The following ATR variants were observed in gnomAD, a reference collection of about 807,000 sequenced individuals.
The protein encoded by ATR is serine/threonine-protein kinase ATR.
Under a neutral mutation model 305.3 loss-of-function variants are expected in ATR, and 142 were observed. That is an observed-to-expected ratio of 0.47 (90% CI 0.41 to 0.53). The LOEUF (loss-of-function observed/expected upper bound fraction) is 0.53. Among genes scored for constraint, ATR ranks in the 20% least tolerant of loss-of-function variants. ATR has a pLI of 0.00. For missense variants in ATR, 2,135 were observed against 3,133.1 expected (o/e 0.68, Z 7.60); for synonymous variants, 1,050 against 1,068.1 (o/e 0.98, Z 0.33).
chr3:142,465,321 T>TAAA (rs78538255), intron 40 of ATR, 81 bp from the exon 41 acceptor site: 11 of 840,644 alleles, frequency 1.3e-5, no homozygotes, highest in African/African-American at 7.4e-5. Context: ...TTGAGTTATG[T>TAAA]AAAAAAAAAA....
At chr3:142,496,947 C>A in intron 33 of ATR, 66 bp downstream of exon 33, 1 of 1,513,722 alleles carries the variant, frequency 6.6e-7, no homozygotes, top group Non-Finnish European at 9.1e-7. Flanking sequence ...TACAAACACC[C>A]CCAAATAATA....
rs2071170618 is a variant in ATR at position 142,468,026 on chromosome 3, T to C, written c.6595A>G (p.Asn2199Asp). Residue 2199 changes from asparagine to aspartate, a missense_variant, in exon 39 of 47, where the codon AAT becomes GAT. Asn to Asp is a conservative substitution (Grantham distance 23, BLOSUM62 1). This residue lies in a region of ATR where 462 missense variants were observed against 887.6 expected (regional missense o/e 0.52). Transcript: ENST00000350721. Reference sequence around the variant, plus strand: ...GATTTTTTCATATGAATAGCTTTATTGAGGATTTCCTTGCATCTGTTCACA... The same window carrying C: ...GATTTTTTCATATGAATAGCTTTATCGAGGATTTCCTTGCATCTGTTCACA... ...MRVNRCKEIL[N>D]KAIHMKKSLE... 3 of 1,613,040 alleles carry C rather than the reference T, an allele frequency of 1.9e-6. No individual in the cohort carries two copies. Among genetic ancestry groups the C allele is most frequent in the Non-Finnish European group, 2.5e-6 (3 of 1,179,474 alleles).
In ATR at chr3:142,513,647, G is replaced by T. The variant is rs753492160; in HGVS notation, c.4504-9C>A. 5 of 1,612,976 alleles carry T rather than the reference G, an allele frequency of 3.1e-6. No homozygotes were observed. In the East Asian group the frequency reaches 1.1e-4, roughly 36 times the overall value. On this transcript the variant is annotated splice_polypyrimidine_tract_variant and intron_variant, in intron 25 of 46. Transcript: ENST00000350721. ...GCAAGATCATGTCGAACCTGTAAAT[G>T]CAAAATGTGTAGACAGTAACACACT...
At chr3:142,523,842 T>C in intron 22 of ATR, 151 bp downstream of exon 22, 3 of 841,996 alleles carry the variant, frequency 3.6e-6, no homozygotes, top group Middle Eastern at 3.0e-4. Context: ...GTTTCTGCAA[T>C]AGTAAAAGAA....
In ATR at chr3:142,557,913, G is replaced by A. The variant is rs1384596098; in HGVS notation, c.1885+711C>T. Among the ~76,000 whole-genome samples the A allele has an allele frequency of 6.6e-5, 10 of 152,166 alleles. No individual in the cohort carries two copies. The East Asian group carries it at 1.5e-3, about 23-fold the overall frequency. Reference sequence around the variant, plus strand: ...CTCCCAAAGTGCTGGGATTACAGGCGTGAGCCACCGTGCCTGGCCTAATGT... The same window carrying A: ...CTCCCAAAGTGCTGGGATTACAGGCATGAGCCACCGTGCCTGGCCTAATGT... On this transcript the variant is annotated intron_variant, in intron 8 of 46. Transcript: ENST00000350721.
At chr3:142,525,726 A>C (rs943632401) in intron 21 of ATR, among the ~76,000 whole-genome samples, 15 of 152,076 alleles carry the variant, frequency 9.9e-5, no homozygotes, top group African/African-American at 3.6e-4. Context: ...CATTAGTTCA[A>C]GTGATAACTG....
At chr3:142,489,131 GT>G (rs2031130323) in intron 35 of ATR, among the ~76,000 whole-genome samples, 1 of 152,060 alleles carries the variant, frequency 6.6e-6, no homozygotes. Context: ...AGGCCAGGGA[GT>G]TTGAGACCAG....
intron 46 of ATR, chr3:142,450,454 G>A: frequency 6.2e-7 from 1 of 1,600,530 alleles, no homozygotes; most frequent in East Asian, 2.2e-5. Context: ...TCACCACAGA[G>A]CTATTACTCA....
At chr3:142,472,117 G>A (rs887006460) in intron 36 of ATR, 12 of 140,786 alleles carry the variant, frequency 8.5e-5, no homozygotes, top group African/African-American at 3.0e-4. Context: ...GTGTGTGTGT[G>A]TGTGTGTATA....
intron 3 of ATR, among the ~76,000 whole-genome samples, chr3:142,563,641 G>C (rs1391507274): frequency 2.6e-5 from 4 of 151,982 alleles, no homozygotes; most frequent in Non-Finnish European, 5.9e-5. Context: ...ATTGAAATTA[G>C]GTTAATTAAT....
chr3:142,487,441 G>A (rs1431204567), intron 35 of ATR, among the ~76,000 whole-genome samples: 1 of 152,064 alleles, frequency 6.6e-6, no homozygotes, highest in Non-Finnish European at 1.5e-5. Flanking sequence ...CCAGCCCTAC[G>A]TGTATTATAT....
chr3:142,507,369 C>T (rs896862699), intron 28 of ATR, among the ~76,000 whole-genome samples: 1 of 151,454 alleles, frequency 6.6e-6, no homozygotes, highest in Non-Finnish European at 1.5e-5. Flanking sequence ...AAATTCAGGA[C>T]CACAACTCTC....
intron 46 of ATR, chr3:142,452,211 A>G: frequency 2.0e-6 from 2 of 997,320 alleles, no homozygotes; most frequent in Non-Finnish European, 1.2e-6. Flanking sequence ...GTAGGATGAA[A>G]GTGGACTTAA....
chr3:142,532,567 G>A (rs1010608203), intron 21 of ATR, among the ~76,000 whole-genome samples: 3 of 152,108 alleles, frequency 2.0e-5, no homozygotes. Flanking sequence ...GTCAATGACT[G>A]TCTGGGACTA....
chr3:142,504,405 A>G (rs188391936), intron 29 of ATR, among the ~76,000 whole-genome samples: 7 of 152,196 alleles, frequency 4.6e-5, no homozygotes, highest in Admixed American at 4.6e-4. Flanking sequence ...GATATACTCC[A>G]TAATAAATCT....
At chr3:142,527,894 C>T (rs578082216) in intron 21 of ATR, among the ~76,000 whole-genome samples, 25 of 152,246 alleles carry the variant, frequency 1.6e-4, no homozygotes, top group African/African-American at 4.1e-4. Flanking sequence ...TTCCCCCAAA[C>T]CTCCTAACCC....
intron 36 of ATR, among the ~76,000 whole-genome samples, chr3:142,482,488 T>C (rs978980674): frequency 6.6e-6 from 1 of 152,134 alleles, no homozygotes; most frequent in African/African-American, 2.4e-5. Context: ...CCAAGGCACA[T>C]GATATATACT....
chr3:142,450,632 A>G lies in ATR; in HGVS notation c.7762-1030T>C, dbSNP rs757426862. On this transcript the variant is annotated intron_variant, in intron 46 of 46. Coordinates refer to ENST00000350721, the MANE Select transcript of ATR (RefSeq NM_001184.4). Reference sequence around the variant, plus strand: ...GGAAAAGGTGGATATGGAAGAGTATACAAGGTCAGGAATAAATTAGATGGT... The same window carrying G: ...GGAAAAGGTGGATATGGAAGAGTATGCAAGGTCAGGAATAAATTAGATGGT... The G allele has an allele frequency of 1.1e-5, 18 of 1,607,406 alleles. 1 individual carries two copies. In the East Asian group the frequency reaches 1.3e-4, roughly 12 times the overall value.
intron 40 of ATR, 90 bp from the exon 41 acceptor site, chr3:142,465,330 A>C: frequency 2.9e-6 from 3 of 1,028,542 alleles, no homozygotes; most frequent in Non-Finnish European, 4.2e-6. Flanking sequence ...GTAAAAAAAA[A>C]AAAAGAATAT....
Sources: allele counts gnomAD v4.1 joint callset (sites outside exome capture counted in the v4.1 genomes callset), GRCh38; gene constraint gnomAD v4.1.1; regional missense constraint gnomAD v4.1.1; transcripts MANE v1.5; gene names NCBI Gene and HGNC (gene_info 2026-07-23, HGNC 2026-07-21).